The following SLC35F3 variants were observed in gnomAD, a reference collection of about 807,000 sequenced individuals.
SLC35F3 encodes the protein putative thiamine transporter SLC35F3.
Under a neutral mutation model 49.9 loss-of-function variants are expected in SLC35F3, and 25 were observed. The observed-to-expected ratio is 0.50, with a 90% CI of 0.37 to 0.70. The LOEUF (loss-of-function observed/expected upper bound fraction) is 0.70, where lower values mean the gene tolerates loss of function less well. Ranked by LOEUF, SLC35F3 falls within the 30% of genes least tolerant of loss-of-function variation. SLC35F3 has a pLI of 0.00. For synonymous variants in SLC35F3, 275 were observed against 265.4 expected (o/e 1.04, Z -0.35); for missense variants, 525 against 639.8 (o/e 0.82, Z 1.94).
chr1:233,994,152 C>T (rs370896206), intron 2 of SLC35F3, among the ~76,000 whole-genome samples: 3 of 152,134 alleles, frequency 2.0e-5, no homozygotes, highest in African/African-American at 7.2e-5. Flanking sequence ...ATAGGTCATG[C>T]AGAGACAGGC....
intron 2 of SLC35F3, among the ~76,000 whole-genome samples, chr1:234,104,974 C>T (rs1252812269): frequency 6.6e-6 from 1 of 151,904 alleles, no homozygotes; most frequent in African/African-American, 2.4e-5. Context: ...ACTAAAAATA[C>T]AAAATTAGCT....
chr1:233,978,804 C>T (rs1172782942), intron 2 of SLC35F3, among the ~76,000 whole-genome samples: 1 of 152,014 alleles, frequency 6.6e-6, no homozygotes. Flanking sequence ...CCGAGGCGGG[C>T]GGATCACCTG....
chr1:234,265,618 C>T (rs184030780), intron 3 of SLC35F3, among the ~76,000 whole-genome samples: 1 of 152,270 alleles, frequency 6.6e-6, no homozygotes, highest in Admixed American at 6.5e-5. Context: ...AGACATCATT[C>T]TCTCCCTTGT....
intron 2 of SLC35F3, among the ~76,000 whole-genome samples, chr1:234,096,187 T>C (rs1049474223): frequency 2.0e-5 from 3 of 152,246 alleles, no homozygotes; most frequent in Non-Finnish European, 4.4e-5. Context: ...CCACGACTTG[T>C]AGTGTCCAGG....
chr1:234,092,861 C>T (rs1250163172), intron 2 of SLC35F3, among the ~76,000 whole-genome samples: 1 of 152,162 alleles, frequency 6.6e-6, no homozygotes, highest in East Asian at 1.9e-4. Context: ...GAGCAAGACC[C>T]TGTCTCTAAA....
chr1:234,067,442 G>A (rs569941356), intron 2 of SLC35F3, among the ~76,000 whole-genome samples: 1 of 152,286 alleles, frequency 6.6e-6, no homozygotes, highest in African/African-American at 2.4e-5. Context: ...TGGATCATTT[G>A]CAGCATGACC....
At chr1:234,099,780 C>T (rs1665187816) in intron 2 of SLC35F3, among the ~76,000 whole-genome samples, 1 of 152,102 alleles carries the variant, frequency 6.6e-6, no homozygotes, top group Admixed American at 6.6e-5. Context: ...TGAATAGCTA[C>T]TGGATAACTG....
At chr1:233,944,148 C>T (rs1662475290) in intron 2 of SLC35F3, among the ~76,000 whole-genome samples, 2 of 152,094 alleles carry the variant, frequency 1.3e-5, no homozygotes, top group South Asian at 4.1e-4. Context: ...CAAAAGAAAA[C>T]CAACCTGAAA....
At chr1:234,083,388 T>C (rs1390196073) in intron 2 of SLC35F3, among the ~76,000 whole-genome samples, 1 of 152,222 alleles carries the variant, frequency 6.6e-6, no homozygotes, top group Admixed American at 6.5e-5. Flanking sequence ...TATCTTGTTT[T>C]TTCATTTTGT....
intron 4 of SLC35F3, among the ~76,000 whole-genome samples, chr1:234,315,564 A>G (rs1011034830): frequency 6.6e-6 from 1 of 152,228 alleles, no homozygotes; most frequent in African/African-American, 2.4e-5. Flanking sequence ...GTGAATGATA[A>G]TATCTACTGT....
At chr1:234,117,977 A>ATAT (rs1665519179) in intron 2 of SLC35F3, among the ~76,000 whole-genome samples, 1 of 137,894 alleles carries the variant, frequency 7.3e-6, no homozygotes, top group Non-Finnish European at 1.6e-5. Context: ...TATATATATA[A>ATAT]AACCACAAGA....
At chr1:234,060,643 G>T (rs928458377) in intron 2 of SLC35F3, among the ~76,000 whole-genome samples, 1 of 152,042 alleles carries the variant, frequency 6.6e-6, no homozygotes, top group Admixed American at 6.6e-5. Flanking sequence ...GTAGAGACCG[G>T]GTTTTACCAT....
At chr1:234,283,893 T>G (rs1026738305) in intron 3 of SLC35F3, among the ~76,000 whole-genome samples, 5 of 152,208 alleles carry the variant, frequency 3.3e-5, no homozygotes, top group Non-Finnish European at 7.3e-5. Flanking sequence ...TCAGCAATCT[T>G]TAGACACAAT....
At chr1:234,241,180 C>T (rs1178777645) in intron 3 of SLC35F3, among the ~76,000 whole-genome samples, 1 of 152,210 alleles carries the variant, frequency 6.6e-6, no homozygotes, top group African/African-American at 2.4e-5. Context: ...AACGACCACC[C>T]TGCCCTTCAT....
chr1:234,108,947 T>C (rs1294743662), intron 2 of SLC35F3, among the ~76,000 whole-genome samples: 2 of 151,664 alleles, frequency 1.3e-5, no homozygotes, highest in Non-Finnish European at 2.9e-5. Context: ...TGGACTTTAT[T>C]TCAGGTGGCA....
chr1:234,023,635 T>A (rs1182932785), intron 2 of SLC35F3, among the ~76,000 whole-genome samples: 2 of 152,040 alleles, frequency 1.3e-5, no homozygotes, highest in Non-Finnish European at 2.9e-5. Context: ...ACGGAAGGGA[T>A]GTTAGTTGGA....
rs1426423060 is a variant in SLC35F3 at position 234,234,083 on chromosome 1, CTT to C, written c.608+2344_608+2345del. Reference sequence around the variant, plus strand: ...TCATATTGGGAGTACTTTAAACAGACTTTAGGATTCTCAGAGATCAAGGAAGA... The same window carrying C: ...TCATATTGGGAGTACTTTAAACAGACTAGGATTCTCAGAGATCAAGGAAGA... On this transcript the variant is annotated intron_variant, in intron 3 of 7. Coordinates refer to ENST00000366618, the MANE Select transcript of SLC35F3 (RefSeq NM_173508.4). 8.5e-5 allele frequency among the ~76,000 whole-genome samples: 13 copies of C among 152,280 alleles called. 1 individual carries two copies. In the East Asian group the frequency reaches 2.5e-3, roughly 29 times the overall value.
intron 2 of SLC35F3, among the ~76,000 whole-genome samples, chr1:233,968,186 A>G (rs1018934196): frequency 6.6e-5 from 10 of 152,054 alleles, no homozygotes; most frequent in Admixed American, 2.0e-4. Flanking sequence ...CATCACTCCA[A>G]TCTCTGCCTC....
intron 3 of SLC35F3, among the ~76,000 whole-genome samples, chr1:234,247,643 T>C (rs1446473142): frequency 6.6e-6 from 1 of 151,870 alleles, no homozygotes; most frequent in Non-Finnish European, 1.5e-5. Flanking sequence ...TGGTCCATTG[T>C]TTGGGGGGCT....
Sources: allele counts gnomAD v4.1 joint callset (sites outside exome capture counted in the v4.1 genomes callset), GRCh38; gene constraint gnomAD v4.1.1; transcripts MANE v1.5; gene names NCBI Gene and HGNC (gene_info 2026-07-23, HGNC 2026-07-21).